Variants in CEP85 observed in about 807,000 individuals in gnomAD.
CEP85 encodes the protein centrosomal protein of 85 kDa.
In CEP85, 58 loss-of-function variants were observed where a neutral mutation model predicts 93.7. The ratio of observed to expected loss-of-function variants is 0.62; its 90% CI spans 0.50 to 0.77. The LOEUF is 0.77. Ranked by LOEUF, CEP85 falls within the 30% of genes least tolerant of loss-of-function variation. The pLI is 0.00. For synonymous variants in CEP85, 314 were observed against 338.6 expected (o/e 0.93, Z 0.80); for missense variants, 868 against 922.0 (o/e 0.94, Z 0.76).
rs377136346 is a variant in CEP85 at position 26,244,178 on chromosome 1, T to C, written c.68T>C (p.Ile23Thr). The change falls in exon 3 of 14, where the codon ATT becomes ACT. Residue 23 changes from isoleucine (I) to threonine (T), a missense_variant. By Grantham distance (89) the Ile-to-Thr change is moderately conservative (BLOSUM62 -1). Coordinates refer to ENST00000451429, the MANE Select transcript of CEP85 (RefSeq NM_001319944.2). ...CCTCTTGTTTCAGGTTCCGATGTGATTCAGAAGGGCAGTTCCCTGGGGACT... is the reference window on the plus strand; with the variant it reads ...CCTCTTGTTTCAGGTTCCGATGTGACTCAGAAGGGCAGTTCCCTGGGGACT... The part of the protein sequence containing the change: ...SHVTSPSSDV[I>T]QKGSSLGTEW... The C allele has an allele frequency of 5.6e-6, 9 of 1,613,266 alleles. No individual in the cohort carries two copies. Among genetic ancestry groups the C allele is most frequent in the African/African-American group, 1.3e-5 (1 of 74,788 alleles).
chr1:26,276,741 C>T lies in CEP85; in HGVS notation c.2109C>T (p.Ser703=), dbSNP rs776841570. ...CCCAGGGCCATGACCCCAATCTCTCCCTGCTCCTGGGCATTCACTGTGAGT... is the reference window on the plus strand; with the variant it reads ...CCCAGGGCCATGACCCCAATCTCTCTCTGCTCCTGGGCATTCACTGTGAGT... The part of the protein sequence containing the change: ...QRAQGHDPNL[S]LLLGIHSQHP... Residue 703 remains serine (S), a synonymous_variant, in exon 13 of 14, where the codon TCC becomes TCT. Transcript: ENST00000451429. 2 of 1,613,864 alleles carry T rather than the reference C, an allele frequency of 1.2e-6. No homozygotes were observed. Among genetic ancestry groups the T allele is most frequent in the South Asian group, 1.1e-5 (1 of 91,034 alleles).
At position 26,257,839 on chromosome 1, in the gene CEP85, T is replaced by C. The variant is rs139437658; in HGVS notation, c.1037+109T>C. ...AGCATTCCTCCTCTGTTTAGGTCCA[T>C]GTCTTGCCTCATGGTGGAGGTAGTT... On this transcript the variant is annotated intron_variant, in intron 5 of 13. Coordinates refer to ENST00000451429, the MANE Select transcript of CEP85 (RefSeq NM_001319944.2). 2.2e-4 allele frequency: 277 copies of C among 1,250,986 alleles called. No individual in the cohort carries two copies. The African/African-American group carries it at 3.3e-3, about 15-fold the overall frequency. 77.5% of individuals were successfully genotyped at this position (1,250,986 alleles called of 1,614,324 possible). A position where few individuals can be genotyped will look rare whatever the true frequency, so the allele number is the denominator to read the frequency against.
At position 26,272,106 on chromosome 1, in the gene CEP85, C is replaced by A. The variant is rs374065968; in HGVS notation, c.1794+35C>A. ...AATCCTTGGGACATGGTGGGCAGAA[C>A]TTAATGATGGAATCTCTAGAATTTA... On this transcript the variant is annotated intron_variant, in intron 11 of 13. Transcript: ENST00000451429. 41 of 1,595,988 alleles carry A rather than the reference C, an allele frequency of 2.6e-5. No homozygotes were observed. In the South Asian group the frequency reaches 4.1e-4, roughly 16 times the overall value.
Position 26,257,644 on chromosome 1 carries a change from A to T in CEP85, c.951A>T (p.Ser317=). The T allele has an allele frequency of 6.2e-7, 1 of 1,614,176 alleles. No individual in the cohort carries two copies. The highest frequency in any genetic ancestry group is 8.5e-7 in the Non-Finnish European group (1 of 1,180,028). Residue 317 remains serine, a synonymous_variant, in exon 5 of 14, where the codon TCA becomes TCT. Transcript: ENST00000451429. The stretch of plus-strand genomic sequence containing the variant: ...ACCATCCTGCTGCTTTTGGTCCTTC[A>T]CTGCCCATCTTAGAGCCAGCACAGT... ...ICHHPAAFGP[S]LPILEPAQWI... is the part of the protein sequence containing the mutation.
At chr1:26,248,578 C>T (rs1455375720) in intron 3 of CEP85, among the ~76,000 whole-genome samples, 1 of 151,980 alleles carries the variant, frequency 6.6e-6, no homozygotes, top group Non-Finnish European at 1.5e-5. Context: ...TCACTGTAAC[C>T]TCCACCTCCT....
At chr1:26,242,700 C>T (rs896060055) in intron 2 of CEP85, among the ~76,000 whole-genome samples, 2 of 152,088 alleles carry the variant, frequency 1.3e-5, no homozygotes, top group African/African-American at 4.8e-5. Flanking sequence ...AATCATTTGC[C>T]TCCCACTAGA....
intron 3 of CEP85, among the ~76,000 whole-genome samples, chr1:26,244,614 A>G (rs1008952211): frequency 1.3e-5 from 2 of 152,016 alleles, no homozygotes; most frequent in Non-Finnish European, 2.9e-5. Context: ...GCAGCCTCCC[A>G]TGCTGAGGTA....
chr1:26,262,315 A>C (rs941101687), intron 7 of CEP85, among the ~76,000 whole-genome samples: 3 of 151,904 alleles, frequency 2.0e-5, no homozygotes, highest in Non-Finnish European at 4.4e-5. Context: ...TCAAAAAAAA[A>C]CAAAATGCAA....
intron 5 of CEP85, 53 bp downstream of exon 5, chr1:26,257,783 A>G: frequency 1.3e-6 from 2 of 1,598,278 alleles, no homozygotes; most frequent in Non-Finnish European, 1.7e-6. Flanking sequence ...GGCCCCATTG[A>G]AGACACCTAA....
At chr1:26,234,503 G>T (rs1350455419) in intron 1 of CEP85, among the ~76,000 whole-genome samples, 193 bp downstream of exon 1, 7 of 152,144 alleles carry the variant, frequency 4.6e-5, no homozygotes, top group African/African-American at 2.4e-5. Context: ...CGCTTCCCCC[G>T]TTGCCTTGCT....
intron 2 of CEP85, among the ~76,000 whole-genome samples, chr1:26,240,186 C>T (rs2089399955): frequency 6.6e-6 from 1 of 152,128 alleles, no homozygotes; most frequent in Non-Finnish European, 1.5e-5. Flanking sequence ...CATCTGCTAG[C>T]CCACAAAAAT....
In CEP85 at chr1:26,271,624, C is replaced by T. The variant is rs368143974; in HGVS notation, c.1744-397C>T. ...TCAGTACGACCAGAGCTGTAAATAA[C>T]AACAACCATCATAGTGCTAGAAATG... On this transcript the variant is annotated intron_variant, in intron 10 of 13. Coordinates refer to ENST00000451429, the MANE Select transcript of CEP85 (RefSeq NM_001319944.2). 5.2e-4 allele frequency: 106 copies of T among 202,472 alleles called. 1 individual carries two copies. The highest frequency in any genetic ancestry group is 2.3e-3 in the African/African-American group (101 of 43,424). The allele number at this position is 202,472 out of a possible 1,614,324, so 12.5% of individuals were successfully genotyped here.
At chr1:26,274,794 A>G (rs751925864) in intron 11 of CEP85, among the ~76,000 whole-genome samples, 170 bp from the exon 12 acceptor site, 11 of 152,170 alleles carry the variant, frequency 7.2e-5, no homozygotes, top group Non-Finnish European at 1.2e-4. Flanking sequence ...GTCAAGGGCT[A>G]TAGGAGGGTT....
chr1:26,234,226 G>T lies in CEP85; in HGVS notation c.-107G>T, dbSNP rs2089286659. 1 of 152,264 alleles carries T rather than the reference G, an allele frequency of 6.6e-6. No homozygotes were observed. Among genetic ancestry groups the T allele is most frequent in the Non-Finnish European group, 1.5e-5 (1 of 68,086 alleles). 9.4% of individuals were successfully genotyped at this position (152,264 alleles called of 1,614,324 possible). ...TGCAACGGCCGTTAGAGGAGCTGAG[G>T]GAGGGAACCACCGCTCACCGCAGAC... On this transcript the variant is annotated 5_prime_UTR_variant, in exon 1 of 14. Coordinates refer to ENST00000451429, the MANE Select transcript of CEP85 (RefSeq NM_001319944.2).
At chr1:26,245,187 A>AT (rs5773150) in intron 3 of CEP85, among the ~76,000 whole-genome samples, 99,311 of 144,102 alleles carry the variant, frequency 0.69, 34,423 homozygotes, top group Non-Finnish European at 0.74. Context: ...ACACCCAGCT[A>AT]TTTTTTTTTT....
chr1:26,245,661 G>A (rs2089498671), intron 3 of CEP85, among the ~76,000 whole-genome samples: 1 of 151,764 alleles, frequency 6.6e-6, no homozygotes, highest in Non-Finnish European at 1.5e-5. Flanking sequence ...ACTGTTGATT[G>A]TATGCTTTGT....
At position 26,277,377 on chromosome 1, in the gene CEP85, T is replaced by G. The variant is rs1438965293; in HGVS notation, c.*84T>G. 7.2e-7 allele frequency: 1 copy of G among 1,381,542 alleles called. No homozygotes were observed. Among genetic ancestry groups the G allele is most frequent in the Non-Finnish European group, 1.0e-6 (1 of 994,054 alleles). 85.6% of individuals were successfully genotyped at this position (1,381,542 alleles called of 1,614,324 possible). On this transcript the variant is annotated 3_prime_UTR_variant, in exon 14 of 14. Coordinates refer to ENST00000451429, the MANE Select transcript of CEP85 (RefSeq NM_001319944.2). ...GTTTCTGCCCTGACATTCTCTTGTCTGCTATTCCCAGAGAGGTCTCAGAGG... is the reference window on the plus strand; with the variant it reads ...GTTTCTGCCCTGACATTCTCTTGTCGGCTATTCCCAGAGAGGTCTCAGAGG...
chr1:26,251,477 C>T (rs531621448), intron 3 of CEP85, among the ~76,000 whole-genome samples: 4 of 152,114 alleles, frequency 2.6e-5, no homozygotes, highest in African/African-American at 4.8e-5. Context: ...TCTCAAACTC[C>T]GGACCTCAGG....
chr1:26,272,617 ATTTTTTTTTTTTTT>A (rs397861910), intron 11 of CEP85, among the ~76,000 whole-genome samples: 3 of 89,670 alleles, frequency 3.3e-5, no homozygotes, highest in Admixed American at 2.6e-4. Context: ...CTATTACAGC[ATTTTTTTTTTTTTT>A]TTTTTTTTTT....
Sources: gnomAD v4.1 joint callset for allele counts (sites outside exome capture counted in the v4.1 genomes callset) on GRCh38, gnomAD v4.1.1 for gene constraint, MANE v1.5 for transcripts, NCBI Gene and HGNC (gene_info 2026-07-23, HGNC 2026-07-21) for gene names.